Variants in GRID2 observed in about 807,000 individuals in gnomAD.
GRID2 encodes the protein glutamate ionotropic receptor delta type subunit 2, also known as glutamate receptor ionotropic, delta-2.
In GRID2, 33 loss-of-function variants were observed where a neutral mutation model predicts 114.8. That is an observed-to-expected ratio of 0.29 (90% CI 0.22 to 0.38). The LOEUF (loss-of-function observed/expected upper bound fraction) is 0.38, where lower values mean the gene tolerates loss of function less well. Ranked by LOEUF, GRID2 falls within the 10% of genes least tolerant of loss-of-function variation. GRID2 has a pLI of 1.00. For synonymous variants in GRID2, 505 were observed against 449.9 expected, an observed-to-expected ratio of 1.12 and a Z score of -1.55; for missense variants, 1,184 against 1,257.7, an observed-to-expected ratio of 0.94 and a Z score of 0.89.
chr4:93,069,302 G>C (rs1728600700), intron 2 of GRID2, among the ~76,000 whole-genome samples: 1 of 151,538 alleles, frequency 6.6e-6, no homozygotes, highest in Non-Finnish European at 1.5e-5. Flanking sequence ...ATATATATAT[G>C]CATGTGTGTA....
At chr4:93,182,812 T>C in intron 4 of GRID2, among the ~76,000 whole-genome samples, 1 of 152,326 alleles carries the variant, frequency 6.6e-6, no homozygotes, top group Non-Finnish European at 1.5e-5. Flanking sequence ...TGATTTTGTC[T>C]TTTTCTTCTC....
At chr4:93,045,329 G>A (rs977955) in intron 2 of GRID2, among the ~76,000 whole-genome samples, 84,224 of 151,774 alleles carry the variant, frequency 0.55, 24,442 homozygotes, top group Middle Eastern at 0.74. Flanking sequence ...GCTTCCTGGT[G>A]CATCTGCTCA....
chr4:93,736,861 CAAA>C (rs11437016), intron 14 of GRID2, among the ~76,000 whole-genome samples: 226 of 122,304 alleles, frequency 1.8e-3, no homozygotes, highest in African/African-American at 5.9e-3. Context: ...CAGACTTGCT[CAAA>C]AAAAAAAAAA....
chr4:92,576,361 C>T (rs1311836286), intron 1 of GRID2, among the ~76,000 whole-genome samples: 1 of 152,186 alleles, frequency 6.6e-6, no homozygotes, highest in African/African-American at 2.4e-5. Context: ...TGGCCTGGTC[C>T]CTCCCCCAGA....
At chr4:93,532,109 C>T (rs188858519) in intron 13 of GRID2, among the ~76,000 whole-genome samples, 17 of 152,210 alleles carry the variant, frequency 1.1e-4, no homozygotes, top group Non-Finnish European at 1.6e-4. Flanking sequence ...TTTGCCTAAA[C>T]GTTGCACATA....
intron 1 of GRID2, among the ~76,000 whole-genome samples, chr4:92,477,821 TA>T (rs1722392915): frequency 6.8e-6 from 1 of 147,292 alleles, no homozygotes; most frequent in Non-Finnish European, 1.5e-5. Flanking sequence ...ATAATTAAAA[TA>T]ATATATATTT....
intron 8 of GRID2, among the ~76,000 whole-genome samples, chr4:93,255,633 G>A (rs1282526590): frequency 6.6e-6 from 1 of 152,006 alleles, no homozygotes; most frequent in African/African-American, 2.4e-5. Context: ...CATGGGAATG[G>A]GTTAGTTCTT....
In GRID2 at chr4:93,490,670, C is replaced by A. The variant is rs1412468592; in HGVS notation, c.1890C>A (p.Thr630=). ...AAGTCCCGTACACGACTCTGGCTAC[C>A]CGAATGATGATGGGGGCTTGGTGGC... ...GGEVPYTTLA[T]RMMMGAWWLF... The change falls in exon 12 of 16, where the codon ACC becomes ACA. Residue 630 remains threonine, a synonymous_variant. Transcript: ENST00000282020. The A allele has an allele frequency of 1.9e-6, 3 of 1,610,776 alleles. No individual in the cohort carries two copies. Among genetic ancestry groups the A allele is most frequent in the Non-Finnish European group, 2.5e-6 (3 of 1,177,674 alleles).
intron 2 of GRID2, among the ~76,000 whole-genome samples, chr4:93,012,346 A>G (rs2149233481): frequency 6.6e-6 from 1 of 152,166 alleles, no homozygotes; most frequent in East Asian, 1.9e-4. Context: ...TCACACACAG[A>G]CATCCATTTA....
intron 2 of GRID2, among the ~76,000 whole-genome samples, chr4:93,048,059 TCAAA>T (rs1174456640): frequency 1.3e-5 from 2 of 152,000 alleles, no homozygotes; most frequent in Admixed American, 6.6e-5. Flanking sequence ...GGCTAACAGG[TCAAA>T]CAGTGTGGGT....
rs961643278 is a variant in GRID2 at position 93,724,533 on chromosome 4, C to A, written c.2361-44677C>A. On this transcript the variant is annotated intron_variant, in intron 14 of 15. Coordinates refer to ENST00000282020, the MANE Select transcript of GRID2 (RefSeq NM_001510.4). The stretch of plus-strand genomic sequence containing the variant: ...TATTAGGAAGTCATAAAAACATTAC[C>A]AAATTACATGTAATTTCTCTTCTCT... 9.9e-5 allele frequency among the ~76,000 whole-genome samples: 15 copies of A among 152,064 alleles called. No homozygotes were observed. The South Asian group carries it at 3.1e-3, about 32-fold the overall frequency.
intron 3 of GRID2, among the ~76,000 whole-genome samples, chr4:93,103,238 G>A (rs1036273280): frequency 6.6e-6 from 1 of 151,928 alleles, no homozygotes; most frequent in Non-Finnish European, 1.5e-5. Flanking sequence ...GCAGGTCTTC[G>A]CTGAGACTGC....
At chr4:93,411,146 A>C (rs1444401993) in intron 9 of GRID2, among the ~76,000 whole-genome samples, 2 of 152,156 alleles carry the variant, frequency 1.3e-5, no homozygotes, top group Admixed American at 1.3e-4. Context: ...CTTCCATCAA[A>C]AGTTACTTGC....
chr4:93,286,501 C>A (rs1243445288), intron 8 of GRID2, among the ~76,000 whole-genome samples: 1 of 152,090 alleles, frequency 6.6e-6, no homozygotes, highest in Non-Finnish European at 1.5e-5. Flanking sequence ...CCTCTTTGTG[C>A]TTTGCCATTA....
intron 12 of GRID2, among the ~76,000 whole-genome samples, chr4:93,496,304 T>A (rs1184100880): frequency 6.6e-6 from 1 of 151,812 alleles, no homozygotes; most frequent in African/African-American, 2.4e-5. Context: ...AAAGATATAG[T>A]ACAGAGCAGT....
At chr4:93,800,713 T>C (rs1427496662) in intron 1 of GRID2, among the ~76,000 whole-genome samples, 2 of 152,224 alleles carry the variant, frequency 1.3e-5, no homozygotes, top group African/African-American at 4.8e-5. Flanking sequence ...GACATTATAG[T>C]GATGAAAGTT....
chr4:92,641,639 T>G lies in GRID2; in HGVS notation c.244+51353T>G, dbSNP rs540954280. ...TGACGTAACATAGTTAATAATCATA[T>G]ATGCTTGAAGTGTCCTAAAATTATT... On this transcript the variant is annotated intron_variant, in intron 2 of 15. Transcript: ENST00000282020. 5.9e-5 allele frequency among the ~76,000 whole-genome samples: 9 copies of G among 151,864 alleles called. No individual in the cohort carries two copies. The South Asian group carries it at 1.9e-3, about 32-fold the overall frequency.
intron 13 of GRID2, among the ~76,000 whole-genome samples, chr4:93,573,231 G>A (rs988437471): frequency 6.6e-6 from 1 of 152,008 alleles, no homozygotes; most frequent in Non-Finnish European, 1.5e-5. Context: ...TCATCACTAG[G>A]CCCCTATTGT....
chr4:92,816,817 G>T (rs1712645095), intron 2 of GRID2, among the ~76,000 whole-genome samples: 1 of 152,076 alleles, frequency 6.6e-6, no homozygotes, highest in Admixed American at 6.6e-5. Context: ...AACTTACAAA[G>T]CTCTGCTGTA....
Sources: gnomAD v4.1 joint callset for allele counts (sites outside exome capture counted in the v4.1 genomes callset) on GRCh38, gnomAD v4.1.1 for gene constraint, MANE v1.5 for transcripts, NCBI Gene and HGNC (gene_info 2026-07-23, HGNC 2026-07-21) for gene names.